ZDHHC11B: variants seen among roughly 807,000 people sequenced by gnomAD.
The protein encoded by ZDHHC11B is probable palmitoyltransferase ZDHHC11B.
In ZDHHC11B, 17 loss-of-function variants were observed where a neutral mutation model predicts 42.3. That is an observed-to-expected ratio of 0.40 (90% CI 0.27 to 0.60). The LOEUF (loss-of-function observed/expected upper bound fraction) is 0.60. Among genes scored for constraint, ZDHHC11B ranks in the 20% least tolerant of loss-of-function variants. The pLI is 0.41. For missense variants in ZDHHC11B, 262 were observed against 463.2 expected, an observed-to-expected ratio of 0.57 and a Z score of 3.99; for synonymous variants, 123 against 193.5, an observed-to-expected ratio of 0.64 and a Z score of 3.02.
At position 766,359 on chromosome 5, in the gene ZDHHC11B, G is replaced by T. The variant is rs1224141971; in HGVS notation, c.222+339C>A. 7.2e-5 allele frequency among the ~76,000 whole-genome samples: 11 copies of T among 151,900 alleles called. 1 individual carries two copies. Among genetic ancestry groups the T allele is most frequent in the Non-Finnish European group, 1.6e-4 (11 of 67,918 alleles). ...GTCCCCCACCTGCTGGGAGATGGGA[G>T]CAGACGGCCTGACATGGGGTCAGCG... On this transcript the variant is annotated intron_variant, in intron 4 of 13. Transcript: ENST00000508859.
At chr5:729,353 C>T (rs887377977) in intron 12 of ZDHHC11B, among the ~76,000 whole-genome samples, 1 of 151,104 alleles carries the variant, frequency 6.6e-6, no homozygotes, top group African/African-American at 2.4e-5. Flanking sequence ...AGGTCCTAGG[C>T]CAGGACGGCT....
intron 4 of ZDHHC11B, among the ~76,000 whole-genome samples, chr5:762,778 G>A (rs1044361312): frequency 2.0e-5 from 3 of 151,252 alleles, no homozygotes; most frequent in Non-Finnish European, 4.4e-5. Flanking sequence ...TAAACCCAAG[G>A]TCAGTTGAAG....
Position 780,578 on chromosome 5 carries a change from C to T in ZDHHC11B, c.-230+4090G>A, listed in dbSNP as rs1354337390. 7.3e-5 allele frequency among the ~76,000 whole-genome samples: 10 copies of T among 136,378 alleles called. 1 individual carries two copies. The highest frequency in any genetic ancestry group is 3.0e-4 in the African/African-American group (9 of 29,730). 89.5% of individuals were successfully genotyped at this position (136,378 alleles called of 152,430 possible). ...AGGAATTGCAGCTTCGACGGGAAAACGGACGGTAAGACCCCATCCCACTCC... is the reference window on the plus strand; with the variant it reads ...AGGAATTGCAGCTTCGACGGGAAAATGGACGGTAAGACCCCATCCCACTCC... On this transcript the variant is annotated intron_variant, in intron 1 of 13. Coordinates refer to ENST00000508859, the MANE Select transcript of ZDHHC11B (RefSeq NM_001351303.2).
chr5:754,571 C>G (rs1172305076), intron 6 of ZDHHC11B, among the ~76,000 whole-genome samples: 81 of 129,056 alleles, frequency 6.3e-4, no homozygotes, highest in African/African-American at 1.8e-3. Flanking sequence ...GGGGAAACAC[C>G]TCTCATCTGT....
chr5:779,186 G>T (rs1012416790), intron 1 of ZDHHC11B, among the ~76,000 whole-genome samples: 2 of 151,548 alleles, frequency 1.3e-5, no homozygotes, highest in African/African-American at 4.9e-5. Context: ...CAGGACAACT[G>T]GAGCCACCAG....
intron 4 of ZDHHC11B, among the ~76,000 whole-genome samples, chr5:763,034 G>C (rs1450433293): frequency 2.0e-5 from 3 of 151,836 alleles, no homozygotes; most frequent in African/African-American, 7.3e-5. Context: ...TGTATTCCAA[G>C]AAATATGACA....
Position 711,699 on chromosome 5 carries a change from CTGTGCTCCCATTTCCCAGTACTT to C in ZDHHC11B, c.*568_*590del, listed in dbSNP as rs1369148378. The C allele has an allele frequency of 4.5e-4, 69 of 153,554 alleles. 1 individual carries two copies. The highest frequency in any genetic ancestry group is 1.4e-3 in the African/African-American group (58 of 40,274). The allele number at this position is 153,554 out of a possible 1,614,324, so 9.5% of individuals were successfully genotyped here. Reference sequence around the variant, plus strand: ...TACTGTGCTCCTATTCCCCAGTACTCTGTGCTCCCATTTCCCAGTACTTTGTGCTCCCATTTCCCAGCACTGTG... The same window carrying C: ...TACTGTGCTCCTATTCCCCAGTACTCTGTGCTCCCATTTCCCAGCACTGTG... On this transcript the variant is annotated 3_prime_UTR_variant, in exon 14 of 14. Transcript: ENST00000508859.
Position 753,686 on chromosome 5 carries a change from C to T in ZDHHC11B, c.503+1312G>A, listed in dbSNP as rs1200976771. On this transcript the variant is annotated intron_variant, in intron 6 of 13. Transcript: ENST00000508859. ...AGGGGAGGAGGCGGGTGGGTCTCCC[C>T]GGCCCCTACCATCTCACGCAGCCTC... Among the ~76,000 whole-genome samples the T allele has an allele frequency of 5.4e-5, 8 of 148,584 alleles. 1 individual carries two copies. Among genetic ancestry groups the T allele is most frequent in the African/African-American group, 1.2e-4 (5 of 40,728 alleles).
At position 719,714 on chromosome 5, in the gene ZDHHC11B, A is replaced by AG. The variant is rs1260398479; in HGVS notation, c.1059-2850dup. On this transcript the variant is annotated intron_variant, in intron 12 of 13. Transcript: ENST00000508859. ...AGGGTACCAACATATGCAACATAGG[A>AG]GTCTCCAAAGTAGAAGAGAAAAGGA... 2.0e-5 allele frequency among the ~76,000 whole-genome samples: 3 copies of AG among 151,618 alleles called. No homozygotes were observed. The East Asian group carries it at 5.8e-4, about 29-fold the overall frequency.
intron 1 of ZDHHC11B, among the ~76,000 whole-genome samples, chr5:783,807 TAAACCCCATCAAAACAGCAGCCTCCC>T (rs750059308): frequency 0.31 from 12,205 of 39,118 alleles, 514 homozygotes; most frequent in African/African-American, 0.47. Flanking sequence ...AGCAGCCCCC[TAAACCCCATCAAAACAGCAGCCTCCC>T]AAACCCCATC....
chr5:773,906 T>C (rs1480334626), intron 1 of ZDHHC11B, among the ~76,000 whole-genome samples: 10 of 151,870 alleles, frequency 6.6e-5, no homozygotes, highest in African/African-American at 2.4e-4. Context: ...AAGACTGTGT[T>C]GTCCAACTGG....
intron 10 of ZDHHC11B, among the ~76,000 whole-genome samples, chr5:739,061 A>C (rs143966504): frequency 6.6e-6 from 1 of 150,652 alleles, no homozygotes; most frequent in Non-Finnish European, 1.5e-5. Context: ...CAAAGGACTA[A>C]TATCCAGAAT....
intron 1 of ZDHHC11B, among the ~76,000 whole-genome samples, chr5:784,084 G>T (rs1370247735): frequency 3.3e-5 from 5 of 151,394 alleles, no homozygotes; most frequent in Non-Finnish European, 7.4e-5. Context: ...CAAGGCCCGG[G>T]GCAGCTGGAG....
intron 10 of ZDHHC11B, 76 bp from the exon 11 acceptor site, chr5:733,915 C>T (rs1386524171): frequency 3.1e-5 from 41 of 1,305,108 alleles, no homozygotes; most frequent in African/African-American, 6.0e-5. Context: ...GAGGCTGCAC[C>T]GCGTCGTGTC....
rs58690111 is a variant in ZDHHC11B at position 724,662 on chromosome 5, T to TACAC, written c.1058+5768_1058+5771dup. 7.7e-3 allele frequency among the ~76,000 whole-genome samples: 1,115 copies of TACAC among 144,904 alleles called. 30 individuals carry two copies. The highest frequency in any genetic ancestry group is 0.045 in the Admixed American group (650 of 14,330). ...CATGCTCCATCTTTTGACCATCAGT[T>TACAC]ACACACACACACACACACACACACA... On this transcript the variant is annotated intron_variant, in intron 12 of 13. Coordinates refer to ENST00000508859, the MANE Select transcript of ZDHHC11B (RefSeq NM_001351303.2).
chr5:722,593 C>T (rs1423960011), intron 12 of ZDHHC11B, among the ~76,000 whole-genome samples: 1 of 151,642 alleles, frequency 6.6e-6, no homozygotes, highest in South Asian at 2.1e-4. Context: ...ATGTGCAACA[C>T]CTTTAAAAAA....
chr5:770,960 G>T (rs1412344510), intron 1 of ZDHHC11B, among the ~76,000 whole-genome samples: 1 of 151,832 alleles, frequency 6.6e-6, no homozygotes, highest in African/African-American at 2.4e-5. Flanking sequence ...TCCCTACCAT[G>T]CATGGGCTTC....
At chr5:734,156 G>A (rs537300943) in intron 10 of ZDHHC11B, among the ~76,000 whole-genome samples, 1 of 142,334 alleles carries the variant, frequency 7.0e-6, no homozygotes, top group Non-Finnish European at 1.5e-5. Flanking sequence ...TGGCAGATGG[G>A]AGACAGGTCT....
chr5:780,588 G>C (rs1736887868), intron 1 of ZDHHC11B, among the ~76,000 whole-genome samples: 1 of 136,080 alleles, frequency 7.3e-6, no homozygotes, highest in African/African-American at 3.4e-5. Context: ...CGGACGGTAA[G>C]ACCCCATCCC....
Sources: gnomAD v4.1 joint callset for allele counts (sites outside exome capture counted in the v4.1 genomes callset) on GRCh38, gnomAD v4.1.1 for gene constraint, MANE v1.5 for transcripts, NCBI Gene and HGNC (gene_info 2026-07-23, HGNC 2026-07-21) for gene names.